PLXDC2: variants seen among roughly 807,000 people sequenced by gnomAD.
The protein encoded by PLXDC2 is plexin domain-containing protein 2.
Under a neutral mutation model 68.9 loss-of-function variants are expected in PLXDC2, and 40 were observed. The ratio of observed to expected loss-of-function variants is 0.58; its 90% confidence interval spans 0.45 to 0.76. The LOEUF is 0.76. Ranked by LOEUF, PLXDC2 falls within the 30% of genes least tolerant of loss-of-function variation. PLXDC2 has a pLI of 0.00. For synonymous variants in PLXDC2, 243 were observed against 234.2 expected, an observed-to-expected ratio of 1.04 and a Z score of -0.34; for missense variants, 644 against 661.9, an observed-to-expected ratio of 0.97 and a Z score of 0.30.
chr10:19,922,296 A>C (rs923756683), intron 1 of PLXDC2, among the ~76,000 whole-genome samples: 2 of 152,242 alleles, frequency 1.3e-5, no homozygotes, highest in Non-Finnish European at 2.9e-5. Context: ...ATAGTGTTCC[A>C]GTGTGGTTAA....
chr10:20,144,188 A>G (rs973468503), intron 5 of PLXDC2, among the ~76,000 whole-genome samples: 2 of 152,184 alleles, frequency 1.3e-5, no homozygotes, highest in Non-Finnish European at 1.5e-5. Context: ...CTGTGTATTT[A>G]TCATTCAAAA....
At chr10:20,056,275 A>C (rs1333942060) in intron 3 of PLXDC2, among the ~76,000 whole-genome samples, 1 of 152,142 alleles carries the variant, frequency 6.6e-6, no homozygotes, top group Non-Finnish European at 1.5e-5. Flanking sequence ...CTTTGTCCCA[A>C]GTATTATTCC....
intron 9 of PLXDC2, among the ~76,000 whole-genome samples, chr10:20,206,864 A>ACC (rs1237716641): frequency 4.1e-5 from 6 of 147,676 alleles, no homozygotes; most frequent in Non-Finnish European, 8.8e-5. Context: ...ACACACACAC[A>ACC]CACACACACA....
At chr10:19,906,712 A>G (rs1229701713) in intron 1 of PLXDC2, among the ~76,000 whole-genome samples, 1 of 152,196 alleles carries the variant, frequency 6.6e-6, no homozygotes, top group Non-Finnish European at 1.5e-5. Flanking sequence ...AGAAGGCCCC[A>G]GCACCAAAAA....
Position 20,281,306 on chromosome 10 carries a change from G to A in PLXDC2, c.*1487G>A, listed in dbSNP as rs989089038. 3 of 152,094 alleles carry A rather than the reference G, an allele frequency of 2.0e-5. No individual in the cohort carries two copies. The highest frequency in any genetic ancestry group is 4.4e-5 in the Non-Finnish European group (3 of 68,026). The allele number at this position is 152,094 out of a possible 1,614,324, so 9.4% of individuals were successfully genotyped here. A position where few individuals can be genotyped will look rare whatever the true frequency, so the allele number is the denominator to read the frequency against. ...GGAAAGTGGTTAATATACATACTGA[G>A]CTCCTAAAGTTTAAATTCAGGTACT... is the stretch of plus-strand genomic sequence containing the variant. On this transcript the variant is annotated 3_prime_UTR_variant, in exon 14 of 14. Transcript: ENST00000377252.
At chr10:20,054,396 T>TATGG (rs371869910) in intron 3 of PLXDC2, among the ~76,000 whole-genome samples, 20 of 151,732 alleles carry the variant, frequency 1.3e-4, no homozygotes, top group East Asian at 7.8e-4. Flanking sequence ...GATGCGTAAA[T>TATGG]ATGGATGGAT....
At chr10:19,853,652 T>TGGGGGG (rs10563076) in intron 1 of PLXDC2, among the ~76,000 whole-genome samples, 22 of 129,004 alleles carry the variant, frequency 1.7e-4, no homozygotes, top group South Asian at 9.0e-4. Flanking sequence ...CTGCTTTGGG[T>TGGGGGG]GGGGGGGGGG....
chr10:20,273,530 A>G (rs1835965814), intron 13 of PLXDC2, among the ~76,000 whole-genome samples: 1 of 138,420 alleles, frequency 7.2e-6, no homozygotes, highest in Non-Finnish European at 1.6e-5. Flanking sequence ...CACGATATAG[A>G]TAGATATACA....
At chr10:19,955,972 G>T (rs575635164) in intron 1 of PLXDC2, among the ~76,000 whole-genome samples, 4 of 152,062 alleles carry the variant, frequency 2.6e-5, no homozygotes, top group African/African-American at 9.7e-5. Flanking sequence ...CCAGCTACTT[G>T]GGAGGCTGAG....
chr10:20,139,604 C>T (rs1407799155), intron 4 of PLXDC2, among the ~76,000 whole-genome samples: 1 of 152,164 alleles, frequency 6.6e-6, no homozygotes, highest in Admixed American at 6.5e-5. Context: ...GGAACCAACC[C>T]ACATGCCCAT....
intron 5 of PLXDC2, among the ~76,000 whole-genome samples, chr10:20,143,949 A>G (rs1834040362): frequency 6.6e-6 from 1 of 152,098 alleles, no homozygotes; most frequent in East Asian, 1.9e-4. Context: ...GATTTATCAA[A>G]TATACCAAGA....
chr10:20,269,697 C>T (rs1410389227), intron 13 of PLXDC2, among the ~76,000 whole-genome samples: 1 of 152,074 alleles, frequency 6.6e-6, no homozygotes, highest in Non-Finnish European at 1.5e-5. Context: ...ATTCTACAAG[C>T]AGCGAGAATC....
chr10:20,033,606 G>T (rs1835535869), intron 2 of PLXDC2, among the ~76,000 whole-genome samples: 1 of 152,156 alleles, frequency 6.6e-6, no homozygotes, highest in African/African-American at 2.4e-5. Context: ...TTACATGGTG[G>T]CAGGCAAGAG....
intron 10 of PLXDC2, among the ~76,000 whole-genome samples, chr10:20,216,321 T>A (rs1283360016): frequency 1.3e-5 from 2 of 152,128 alleles, no homozygotes; most frequent in Non-Finnish European, 2.9e-5. Flanking sequence ...CATTTTCCAC[T>A]ACAGATATAG....
chr10:19,905,564 C>T (rs946085882), intron 1 of PLXDC2, among the ~76,000 whole-genome samples: 1 of 151,914 alleles, frequency 6.6e-6, no homozygotes, highest in African/African-American at 2.4e-5. Context: ...GGTGGCAGGA[C>T]TGGTGATATT....
intron 1 of PLXDC2, among the ~76,000 whole-genome samples, chr10:19,832,194 A>G (rs1167559694): frequency 6.6e-6 from 1 of 152,270 alleles, no homozygotes; most frequent in Non-Finnish European, 1.5e-5. Context: ...AAACAAAAAT[A>G]GTATAACTAT....
intron 1 of PLXDC2, 137 bp from the exon 2 acceptor site, chr10:20,001,638 G>A: frequency 1.4e-6 from 1 of 725,474 alleles, no homozygotes. Flanking sequence ...GATATTGCAA[G>A]TAAACAGATT....
chr10:20,144,883 T>C (rs1001660968), intron 5 of PLXDC2, among the ~76,000 whole-genome samples: 2 of 152,202 alleles, frequency 1.3e-5, no homozygotes, highest in South Asian at 4.1e-4. Flanking sequence ...GCATATTAAA[T>C]AAGTCTCTCT....
At chr10:20,225,788 C>G (rs77703196) in intron 12 of PLXDC2, among the ~76,000 whole-genome samples, 1 of 151,462 alleles carries the variant, frequency 6.6e-6, no homozygotes. Flanking sequence ...AAATATTAGC[C>G]TCTAGGGCTG....
Sources: gnomAD v4.1 joint callset for allele counts (sites outside exome capture counted in the v4.1 genomes callset) on GRCh38, gnomAD v4.1.1 for gene constraint, MANE v1.5 for transcripts, NCBI Gene and HGNC (gene_info 2026-07-23, HGNC 2026-07-21) for gene names.